Variants in PDE8A observed in about 807,000 individuals in gnomAD.
PDE8A encodes phosphodiesterase 8A.
Under a neutral mutation model 105.0 loss-of-function variants are expected in PDE8A, and 59 were observed. That is an observed-to-expected ratio of 0.56 (90% CI 0.46 to 0.70). The LOEUF (loss-of-function observed/expected upper bound fraction) is 0.70. Ranked by LOEUF, PDE8A falls within the 30% of genes least tolerant of loss-of-function variation. The pLI is 0.00. For missense variants in PDE8A, 1,014 were observed against 1,045.9 expected (o/e 0.97, Z 0.42); for synonymous variants, 355 against 371.9 (o/e 0.95, Z 0.52).
chr15:85,031,772 G>A (rs780350317), intron 1 of PDE8A, among the ~76,000 whole-genome samples: 4 of 152,094 alleles, frequency 2.6e-5, no homozygotes, highest in Admixed American at 2.0e-4. Context: ...GCTGTTATTG[G>A]TGGTGACGGC....
rs1382630150 is a variant in PDE8A at position 85,100,019 on chromosome 15, A to C, written c.946A>C (p.Ile316Leu). Residue 316 changes from isoleucine to leucine, a missense_variant, in exon 10 of 22, where the codon ATT becomes CTT. Coordinates refer to ENST00000394553, the MANE Select transcript of PDE8A (RefSeq NM_002605.3). Reference protein sequence around the residue: ...IIPVIGQGGKIRHYVSIIRVC... With the variant: ...IIPVIGQGGKLRHYVSIIRVC... ...TGCATTGTTTTTTACTTGCAGAAAA[A>C]TTAGACACTATGTGTCCATTATCAG... The C allele has an allele frequency of 6.2e-7, 1 of 1,610,170 alleles. No individual in the cohort carries two copies. Among genetic ancestry groups the C allele is most frequent in the Non-Finnish European group, 8.5e-7 (1 of 1,178,056 alleles).
chr15:85,077,530 C>T (rs952009858), intron 5 of PDE8A, among the ~76,000 whole-genome samples: 1 of 152,124 alleles, frequency 6.6e-6, no homozygotes, highest in Non-Finnish European at 1.5e-5. Flanking sequence ...ATAAATCCTC[C>T]CCAGAGGAAG....
intron 6 of PDE8A, among the ~76,000 whole-genome samples, chr15:85,085,669 C>CT (rs1431496971): frequency 1.7e-4 from 25 of 143,602 alleles, no homozygotes; most frequent in African/African-American, 3.5e-4. Context: ...GAGCAAGACT[C>CT]TGTCTCAAAA....
At chr15:84,980,917 G>C (rs1315938862), upstream of PDE8A, among the ~76,000 whole-genome samples, 1 of 152,230 alleles carries the variant, frequency 6.6e-6, no homozygotes, top group Non-Finnish European at 1.5e-5. Flanking sequence ...GGCGTGGCGC[G>C]CCAGGTTTTG....
At chr15:85,067,890 C>G (rs369391772) in intron 3 of PDE8A, among the ~76,000 whole-genome samples, 1 of 152,066 alleles carries the variant, frequency 6.6e-6, no homozygotes, top group African/African-American at 2.4e-5. Flanking sequence ...CTCTACACTC[C>G]TGGTAGTCAG....
At chr15:85,067,250 C>G in intron 3 of PDE8A, 46 bp downstream of exon 3, 3 of 1,325,302 alleles carry the variant, frequency 2.3e-6, no homozygotes, top group Non-Finnish European at 3.2e-6. Context: ...GCCTTTCTGA[C>G]AATACATGCA....
At chr15:85,040,296 T>C (rs1222052719) in intron 1 of PDE8A, among the ~76,000 whole-genome samples, 1 of 71,134 alleles carries the variant, frequency 1.4e-5, no homozygotes, top group Non-Finnish European at 3.0e-5. Flanking sequence ...CCTCAGGTGA[T>C]CTGCCCACCT....
chr15:85,098,108 T>G lies in PDE8A; in HGVS notation c.941+72T>G, dbSNP rs1214008383. 3.8e-5 allele frequency: 34 copies of G among 902,832 alleles called. No homozygotes were observed. In the Admixed American group the frequency reaches 6.3e-4, roughly 17 times the overall value. The allele number at this position is 902,832 out of a possible 1,614,324, so 55.9% of individuals were successfully genotyped here. A position where few individuals can be genotyped will look rare whatever the true frequency, so the allele number is the denominator to read the frequency against. The stretch of plus-strand genomic sequence containing the variant: ...TTATTGCAGAATTTGCTTTGAATAT[T>G]TAAGTTAAGGACTGCTGACAGAAGT... On this transcript the variant is annotated intron_variant, in intron 9 of 21. Transcript: ENST00000394553.
intron 9 of PDE8A, among the ~76,000 whole-genome samples, chr15:85,098,557 T>C (rs2081800011): frequency 6.6e-6 from 1 of 152,204 alleles, no homozygotes; most frequent in African/African-American, 2.4e-5. Context: ...AGAAATAATA[T>C]GGTAAGATGA....
At chr15:85,012,311 A>G (rs2080252163) in intron 1 of PDE8A, among the ~76,000 whole-genome samples, 1 of 152,194 alleles carries the variant, frequency 6.6e-6, no homozygotes, top group Admixed American at 6.5e-5. Flanking sequence ...ATATCCAACA[A>G]TGATAGACTG....
chr15:85,132,479 AT>A (rs1238932109), intron 20 of PDE8A, among the ~76,000 whole-genome samples: 7 of 151,948 alleles, frequency 4.6e-5, no homozygotes, highest in Non-Finnish European at 8.8e-5. Context: ...CAGCCTTCAA[AT>A]TTGAGATGGA....
At chr15:85,010,379 T>C (rs940478494) in intron 1 of PDE8A, among the ~76,000 whole-genome samples, 1 of 152,230 alleles carries the variant, frequency 6.6e-6, no homozygotes, top group African/African-American at 2.4e-5. Flanking sequence ...TTAGCCTCAG[T>C]CTCAAACAGT....
chr15:85,083,226 C>T (rs2304417), intron 5 of PDE8A, among the ~76,000 whole-genome samples: 24,206 of 152,158 alleles, frequency 0.16, 2,174 homozygotes, highest in East Asian at 0.38. Flanking sequence ...AATGAATTTC[C>T]TCCTCCACAT....
At chr15:85,040,751 G>C (rs2080792480) in intron 1 of PDE8A, among the ~76,000 whole-genome samples, 1 of 152,056 alleles carries the variant, frequency 6.6e-6, no homozygotes, top group East Asian at 1.9e-4. Flanking sequence ...AGTAGAGACA[G>C]GGTTTCACCG....
At chr15:85,051,083 G>C (rs1404003023) in intron 1 of PDE8A, among the ~76,000 whole-genome samples, 1 of 152,058 alleles carries the variant, frequency 6.6e-6, no homozygotes, top group African/African-American at 2.4e-5. Context: ...AATTGGAATT[G>C]TTTTTTGTAA....
intron 1 of PDE8A, among the ~76,000 whole-genome samples, chr15:85,014,572 A>G (rs1567229371): frequency 6.6e-6 from 1 of 152,158 alleles, no homozygotes; most frequent in South Asian, 2.1e-4. Context: ...TTGTATTACT[A>G]TGAAGTTAAG....
chr15:85,071,490 A>T, intron 3 of PDE8A, among the ~76,000 whole-genome samples: 1 of 152,392 alleles, frequency 6.6e-6, no homozygotes, highest in East Asian at 1.9e-4. Context: ...AGGTATAAGG[A>T]ACCTGAAGAC....
intron 1 of PDE8A, among the ~76,000 whole-genome samples, chr15:84,993,408 A>C (rs1433795714): frequency 7.2e-6 from 1 of 139,268 alleles, no homozygotes; most frequent in Non-Finnish European, 1.5e-5. Flanking sequence ...GCGCCACTGC[A>C]GTCCAGCCTG....
chr15:84,994,781 G>A (rs1174253537), intron 1 of PDE8A, among the ~76,000 whole-genome samples: 2 of 152,118 alleles, frequency 1.3e-5, no homozygotes, highest in East Asian at 3.9e-4. Flanking sequence ...TGACCAACAT[G>A]GTGAAACCCT....
Sources: gnomAD v4.1 joint callset for allele counts (sites outside exome capture counted in the v4.1 genomes callset) on GRCh38, gnomAD v4.1.1 for gene constraint, MANE v1.5 for transcripts, NCBI Gene and HGNC (gene_info 2026-07-23, HGNC 2026-07-21) for gene names.